MCU: variants seen among roughly 807,000 people sequenced by gnomAD.
MCU encodes calcium uniporter protein, mitochondrial.
In MCU, 12 loss-of-function variants were observed where a neutral mutation model predicts 45.2. The ratio of observed to expected loss-of-function variants is 0.27; its 90% CI spans 0.17 to 0.43. The LOEUF (loss-of-function observed/expected upper bound fraction) is 0.43. MCU is among the 20% of genes least tolerant of loss of function. The probability of loss-of-function intolerance (pLI) is 1.00; values close to 1 mark genes in which losing one functional copy is unlikely to be tolerated. For synonymous variants in MCU, 160 were observed against 165.1 expected (o/e 0.97, Z 0.24); for missense variants, 324 against 436.7 (o/e 0.74, Z 2.30).
At chr10:72,846,007 A>G (rs573760959) in intron 2 of MCU, among the ~76,000 whole-genome samples, 14 of 152,078 alleles carry the variant, frequency 9.2e-5, no homozygotes, top group Non-Finnish European at 1.6e-4. Context: ...CCCACAGGCA[A>G]CCGCAGTCTG....
rs571433098 is a variant in MCU, at chr10:72,844,445, T to G, written c.220+10017T>G. ...TTAGCTGGGCATGGAGGCATACACC[T>G]GTAGTTGTAGCTACTCAGGAGGCTG... On this transcript the variant is annotated intron_variant, in intron 2 of 7. Coordinates refer to ENST00000373053, the MANE Select transcript of MCU (RefSeq NM_138357.3). 3.7e-4 allele frequency among the ~76,000 whole-genome samples: 56 copies of G among 152,134 alleles called. No individual in the cohort carries two copies. In the South Asian group the frequency reaches 0.011, roughly 30 times the overall value.
At chr10:72,789,574 T>C (rs1404507077) in intron 1 of MCU, among the ~76,000 whole-genome samples, 1 of 152,170 alleles carries the variant, frequency 6.6e-6, no homozygotes, top group Non-Finnish European at 1.5e-5. Flanking sequence ...ACTGCTCCAT[T>C]TTCATACTAC....
intron 1 of MCU, among the ~76,000 whole-genome samples, chr10:72,712,127 C>T (rs533785217): frequency 6.8e-4 from 103 of 152,098 alleles, no homozygotes; most frequent in African/African-American, 2.4e-3. Context: ...GTCTCTATTT[C>T]ATATATTTAA....
chr10:72,804,850 C>A (rs1046670666), intron 1 of MCU, among the ~76,000 whole-genome samples: 1 of 152,236 alleles, frequency 6.6e-6, no homozygotes, highest in African/African-American at 2.4e-5. Context: ...CAGCTCACTG[C>A]AGCCTCAATC....
chr10:72,723,278 C>T lies in MCU; in HGVS notation c.150+30977C>T, dbSNP rs561928847. The stretch of plus-strand genomic sequence containing the variant: ...TTAAAAATTAGCAAATTTGTCAGAA[C>T]GAAGATTAAATTAATAAACTTAGTT... On this transcript the variant is annotated intron_variant, in intron 1 of 7. Coordinates refer to ENST00000373053, the MANE Select transcript of MCU (RefSeq NM_138357.3). 3.6e-4 allele frequency among the ~76,000 whole-genome samples: 54 copies of T among 151,484 alleles called. 1 individual carries two copies. The highest frequency in any genetic ancestry group is 1.2e-3 in the African/African-American group (48 of 40,936).
intron 2 of MCU, among the ~76,000 whole-genome samples, chr10:72,846,155 G>C (rs1017349275): frequency 4.6e-5 from 7 of 151,996 alleles, no homozygotes; most frequent in African/African-American, 1.5e-4. Context: ...CACTTCTCCT[G>C]CCTCAGTCTC....
At chr10:72,778,668 A>G (rs1843938077) in intron 1 of MCU, among the ~76,000 whole-genome samples, 1 of 152,192 alleles carries the variant, frequency 6.6e-6, no homozygotes, top group Non-Finnish European at 1.5e-5. Flanking sequence ...TTCATAATTA[A>G]AATGTCCCAC....
intron 1 of MCU, among the ~76,000 whole-genome samples, chr10:72,803,914 A>G (rs1844379468): frequency 6.7e-6 from 1 of 149,308 alleles, no homozygotes; most frequent in South Asian, 2.1e-4. Context: ...ATTGTCCCAT[A>G]AATTTACACT....
At chr10:72,837,943 G>A (rs959136743) in intron 2 of MCU, among the ~76,000 whole-genome samples, 2 of 146,032 alleles carry the variant, frequency 1.4e-5, no homozygotes, top group East Asian at 2.0e-4. Context: ...TGCAACTTCC[G>A]CCTCCCGGGT....
intron 1 of MCU, among the ~76,000 whole-genome samples, chr10:72,771,797 T>C (rs903129806): frequency 6.6e-6 from 1 of 152,178 alleles, no homozygotes; most frequent in African/African-American, 2.4e-5. Flanking sequence ...CATTAGCTAT[T>C]TGTCCTAATG....
At chr10:72,846,265 A>C (rs917303211) in intron 2 of MCU, among the ~76,000 whole-genome samples, 1 of 151,660 alleles carries the variant, frequency 6.6e-6, no homozygotes, top group Non-Finnish European at 1.5e-5. Context: ...CTGGTCTCAA[A>C]CTCCTGCCCT....
At chr10:72,817,420 A>G (rs1324564689) in intron 1 of MCU, among the ~76,000 whole-genome samples, 5 of 152,168 alleles carry the variant, frequency 3.3e-5, no homozygotes, top group East Asian at 1.9e-4. Context: ...GCTATACTGT[A>G]TAAGAAAACC....
At chr10:72,723,445 A>G (rs1642694467) in intron 1 of MCU, among the ~76,000 whole-genome samples, 1 of 152,190 alleles carries the variant, frequency 6.6e-6, no homozygotes, top group Non-Finnish European at 1.5e-5. Flanking sequence ...GGAAGAAAGA[A>G]AAAGTGCTAC....
At position 72,762,430 on chromosome 10, in the gene MCU, A is replaced by AT. The variant is rs925706217; in HGVS notation, c.150+70141dup. Among the ~76,000 whole-genome samples, 937 of 147,450 alleles carry AT rather than the reference A, an allele frequency of 6.4e-3. 6 individuals carry two copies. The highest frequency in any genetic ancestry group is 0.02 in the African/African-American group (815 of 40,444). Reference sequence around the variant, plus strand: ...TATTTGATATAATAGAGGAACAGGGATTTTTTTTTTTTAAACTACATACAT... The same window carrying AT: ...TATTTGATATAATAGAGGAACAGGGATTTTTTTTTTTTTAAACTACATACAT... On this transcript the variant is annotated intron_variant, in intron 1 of 7. Transcript: ENST00000373053.
At chr10:72,788,660 A>G (rs1056781830) in intron 1 of MCU, among the ~76,000 whole-genome samples, 4 of 152,136 alleles carry the variant, frequency 2.6e-5, no homozygotes, top group Non-Finnish European at 5.9e-5. Flanking sequence ...AAAACCACAA[A>G]CTAGTGATGA....
At chr10:72,847,931 A>G (rs774041094) in intron 2 of MCU, among the ~76,000 whole-genome samples, 10 of 152,226 alleles carry the variant, frequency 6.6e-5, no homozygotes, top group South Asian at 2.1e-4. Context: ...GATTGTCCTC[A>G]TGATATGATG....
At chr10:72,711,019 A>G (rs1842886274) in intron 1 of MCU, among the ~76,000 whole-genome samples, 1 of 151,914 alleles carries the variant, frequency 6.6e-6, no homozygotes, top group African/African-American at 2.4e-5. Flanking sequence ...TCTCTACTAA[A>G]AATACAAAAA....
chr10:72,844,185 GAGAC>G (rs1170836978), intron 2 of MCU, among the ~76,000 whole-genome samples: 1 of 152,076 alleles, frequency 6.6e-6, no homozygotes, highest in Non-Finnish European at 1.5e-5. Context: ...TCAGGAGTTC[GAGAC>G]CAGCCTGGCC....
chr10:72,726,370 T>C (rs1306986398), intron 1 of MCU, among the ~76,000 whole-genome samples: 1 of 152,096 alleles, frequency 6.6e-6, no homozygotes, highest in East Asian at 1.9e-4. Flanking sequence ...TAGAGCTCCC[T>C]CTAAGTCAAC....
Sources: gnomAD v4.1 joint callset for allele counts (sites outside exome capture counted in the v4.1 genomes callset) on GRCh38, gnomAD v4.1.1 for gene constraint, MANE v1.5 for transcripts, NCBI Gene and HGNC (gene_info 2026-07-23, HGNC 2026-07-21) for gene names.